The following FAM171A1 variants were observed in gnomAD, a reference collection of about 807,000 sequenced individuals.
FAM171A1 encodes family with sequence similarity 171 member A1.
FAM171A1 carries 23 observed loss-of-function variants against 74.9 expected under a neutral mutation model. The ratio of observed to expected loss-of-function variants is 0.31; its 90% CI spans 0.22 to 0.44. The LOEUF is 0.44. FAM171A1 is among the 20% of genes least tolerant of loss of function. The pLI, the probability that FAM171A1 is intolerant of heterozygous loss-of-function variation, is 1.00. For synonymous variants in FAM171A1, 527 were observed against 505.7 expected (o/e 1.04, Z -0.57); for missense variants, 1,162 against 1,159.2 (o/e 1.00, Z -0.03).
intron 1 of FAM171A1, among the ~76,000 whole-genome samples, chr10:15,355,300 C>T (rs1298448869): frequency 6.6e-6 from 1 of 152,176 alleles, no homozygotes; most frequent in Non-Finnish European, 1.5e-5. Context: ...GTCTTGAACT[C>T]CTGGGCTCAA....
rs1306623917 is a variant in FAM171A1 at position 15,213,486 on chromosome 10, G to C, written c.2102C>G (p.Pro701Arg). Residue 701 changes from proline to arginine, a missense_variant, in exon 8 of 8, where the codon CCG becomes CGG. Transcript: ENST00000378116. This position sits in a 1 kb window ranked among gnomAD's most constrained non-coding sequence, Gnocchi z 6.8. ...KALMELGGGK[P>R]LPHPRAWFVS... ...GAACCACGCCCGGGGGTGCGGAAGC[G>C]GCTTCCCACCCCCAAGCTCCATCAG... 1.2e-6 allele frequency: 2 copies of C among 1,614,086 alleles called. No homozygotes were observed. Among genetic ancestry groups the C allele is most frequent in the African/African-American group, 1.3e-5 (1 of 75,038 alleles).
intron 1 of FAM171A1, among the ~76,000 whole-genome samples, chr10:15,368,518 A>G (rs1836093888): frequency 6.6e-6 from 1 of 152,248 alleles, no homozygotes; most frequent in Admixed American, 6.5e-5. Context: ...CAGATTCTAC[A>G]TAAAAGCAAG....
At chr10:15,369,771 G>A (rs193228264) in intron 1 of FAM171A1, among the ~76,000 whole-genome samples, 49 of 152,316 alleles carry the variant, frequency 3.2e-4, no homozygotes, top group African/African-American at 1.1e-3. Context: ...CGAGGAAAGG[G>A]GGTTCCAGCA....
rs1478254155 is a variant in FAM171A1 at position 15,221,875 on chromosome 10, C to A, written c.755-815G>T. Among the ~76,000 whole-genome samples, 5 of 152,178 alleles carry A rather than the reference C, an allele frequency of 3.3e-5. No individual in the cohort carries two copies. In the East Asian group the frequency reaches 9.6e-4, roughly 29 times the overall value. On this transcript the variant is annotated intron_variant, in intron 5 of 7. Transcript: ENST00000378116. Reference sequence around the variant, plus strand: ...GTGCTATTTCTTCTGCTCTGCCAGGCTGCATTTCCTAGAAACCTTCCCAGC... The same window carrying A: ...GTGCTATTTCTTCTGCTCTGCCAGGATGCATTTCCTAGAAACCTTCCCAGC...
At position 15,221,071 on chromosome 10, in the gene FAM171A1, G is replaced by A. The variant is rs201273576; in HGVS notation, c.755-11C>T. Reference sequence around the variant, plus strand: ...TCTTCAGCCACGTTCCTGTGGAATTGAGAAAGAGATGTTAGCTACAAGCAC... The same window carrying A: ...TCTTCAGCCACGTTCCTGTGGAATTAAGAAAGAGATGTTAGCTACAAGCAC... On this transcript the variant is annotated splice_polypyrimidine_tract_variant and intron_variant, in intron 5 of 7. Coordinates refer to ENST00000378116, the MANE Select transcript of FAM171A1 (RefSeq NM_001010924.2). 1.2e-6 allele frequency: 2 copies of A among 1,611,086 alleles called. No individual in the cohort carries two copies. The highest frequency in any genetic ancestry group is 1.7e-6 in the Non-Finnish European group (2 of 1,177,568).
intron 1 of FAM171A1, among the ~76,000 whole-genome samples, chr10:15,365,475 G>A (rs1301436232): frequency 6.6e-6 from 1 of 152,204 alleles, no homozygotes; most frequent in Non-Finnish European, 1.5e-5. Context: ...AATGGTAAAT[G>A]AAAGGAAGAA....
intron 5 of FAM171A1, among the ~76,000 whole-genome samples, chr10:15,235,948 A>T (rs897701247): frequency 1.2e-4 from 19 of 152,196 alleles, no homozygotes; most frequent in African/African-American, 3.6e-4. Flanking sequence ...GTTGCTGGAA[A>T]GAGCCACGGT....
At chr10:15,366,471 T>C (rs1159305595) in intron 1 of FAM171A1, among the ~76,000 whole-genome samples, 1 of 152,224 alleles carries the variant, frequency 6.6e-6, no homozygotes, top group Non-Finnish European at 1.5e-5. Context: ...CTGTGTTTCC[T>C]GGAGTTGAAT....
At chr10:15,301,937 T>C (rs1432418816) in intron 1 of FAM171A1, among the ~76,000 whole-genome samples, 1 of 151,998 alleles carries the variant, frequency 6.6e-6, no homozygotes, top group African/African-American at 2.4e-5. Context: ...AGGAAAGGAG[T>C]GGACTACGGT....
intron 5 of FAM171A1, among the ~76,000 whole-genome samples, chr10:15,223,029 G>A (rs191831298): frequency 3.3e-5 from 5 of 152,304 alleles, no homozygotes; most frequent in African/African-American, 7.2e-5. Flanking sequence ...GAGCGACAAC[G>A]TAAGATGTTT....
At chr10:15,305,680 A>AAAAAC (rs1835285294) in intron 1 of FAM171A1, among the ~76,000 whole-genome samples, 1 of 149,994 alleles carries the variant, frequency 6.7e-6, no homozygotes, top group Non-Finnish European at 1.5e-5. Flanking sequence ...AAAAAAAAAA[A>AAAAAC]AAAAAAAAGA....
chr10:15,350,119 G>A (rs559063939), intron 1 of FAM171A1, among the ~76,000 whole-genome samples: 2 of 152,156 alleles, frequency 1.3e-5, no homozygotes, highest in Admixed American at 6.5e-5. Flanking sequence ...TGAGACCTGA[G>A]TTCACTAGCA....
intron 1 of FAM171A1, among the ~76,000 whole-genome samples, chr10:15,322,523 C>G (rs148795011): frequency 2.0e-5 from 3 of 152,162 alleles, no homozygotes; most frequent in Non-Finnish European, 4.4e-5. Context: ...TAAGGTACCC[C>G]CAAAAGGACA....
chr10:15,233,527 T>TGG (rs1834237326), intron 5 of FAM171A1, among the ~76,000 whole-genome samples: 1 of 147,498 alleles, frequency 6.8e-6, no homozygotes, highest in Non-Finnish European at 1.5e-5. Context: ...TCAGGGTGTG[T>TGG]GTGTGTGTGT....
chr10:15,293,469 G>C (rs971095761), intron 1 of FAM171A1, among the ~76,000 whole-genome samples: 1 of 151,998 alleles, frequency 6.6e-6, no homozygotes, highest in East Asian at 1.9e-4. Flanking sequence ...CTGTTTTTAA[G>C]GAGTTTACGG....
chr10:15,240,698 G>A (rs1412997702), intron 5 of FAM171A1: 62 of 984,446 alleles, frequency 6.3e-5, no homozygotes, highest in Non-Finnish European at 7.4e-5. Flanking sequence ...AAGGATTAAA[G>A]TGTGTGAGTT....
chr10:15,263,770 T>C (rs1427401534), intron 3 of FAM171A1, among the ~76,000 whole-genome samples: 1 of 151,902 alleles, frequency 6.6e-6, no homozygotes, highest in Non-Finnish European at 1.5e-5. Context: ...TATCTATCTA[T>C]CTATCTATCT....
chr10:15,337,256 C>G (rs928821617), intron 1 of FAM171A1, among the ~76,000 whole-genome samples: 8 of 152,110 alleles, frequency 5.3e-5, no homozygotes, highest in Non-Finnish European at 1.2e-4. Context: ...GGATAAATCC[C>G]TAAAAAAGAA....
chr10:15,282,025 A>G (rs1302113683), intron 2 of FAM171A1, among the ~76,000 whole-genome samples: 1 of 152,044 alleles, frequency 6.6e-6, no homozygotes, highest in Admixed American at 6.6e-5. Context: ...TAACCCCTAG[A>G]TGTATTCAGG....
Sources: allele counts gnomAD v4.1 joint callset (sites outside exome capture counted in the v4.1 genomes callset), GRCh38; gene constraint gnomAD v4.1.1; non-coding constraint Gnocchi (gnomAD v3.1); transcripts MANE v1.5; gene names NCBI Gene and HGNC (gene_info 2026-07-23, HGNC 2026-07-21).